The following UGP2 variants were observed in gnomAD, a reference collection of about 807,000 sequenced individuals.
UGP2 encodes UTP--glucose-1-phosphate uridylyltransferase.
In UGP2, 40 loss-of-function variants were observed where a neutral mutation model predicts 49.0. The observed-to-expected ratio is 0.82, with a 90% CI of 0.63 to 1.06. The LOEUF is 1.06. UGP2 is among the 50% of genes least tolerant of loss of function. The pLI is 0.00. For synonymous variants in UGP2, 225 were observed against 213.0 expected, an observed-to-expected ratio of 1.06 and a Z score of -0.49; for missense variants, 460 against 603.5, an observed-to-expected ratio of 0.76 and a Z score of 2.49.
chr2:63,863,753 G>A (rs1348594229), intron 3 of UGP2, among the ~76,000 whole-genome samples: 1 of 152,150 alleles, frequency 6.6e-6, no homozygotes, highest in Admixed American at 6.5e-5. Context: ...GAAGGACAAG[G>A]TAATAACTAA....
Position 63,887,605 on chromosome 2 carries a change from T to C in UGP2, c.1275T>C (p.Pro425=). ...SLTMSEKREF[P]TVPLVKLGSS... Reference sequence around the variant, plus strand: ...CAATGAGTGAAAAGCGGGAATTTCCTACAGTGCCCTTGGTTAAATTAGGCA... The same window carrying C: ...CAATGAGTGAAAAGCGGGAATTTCCCACAGTGCCCTTGGTTAAATTAGGCA... Residue 425 remains proline (P), a synonymous_variant, in exon 8 of 10, where the codon CCT becomes CCC. Coordinates refer to ENST00000337130, the MANE Select transcript of UGP2 (RefSeq NM_006759.4). 1 of 1,614,170 alleles carries C rather than the reference T, an allele frequency of 6.2e-7. No homozygotes were observed. Among genetic ancestry groups the C allele is most frequent in the Non-Finnish European group, 8.5e-7 (1 of 1,180,006 alleles).
At chr2:63,853,652 T>C (rs915385054) in intron 1 of UGP2, among the ~76,000 whole-genome samples, 1 of 152,154 alleles carries the variant, frequency 6.6e-6, no homozygotes. Flanking sequence ...CTTATTTTGT[T>C]TGCGCCAGTG....
rs767517535 is a variant in UGP2, at chr2:63,842,366, G to T, written c.19+162G>T. On this transcript the variant is annotated intron_variant, in intron 1 of 9. Coordinates refer to ENST00000337130, the MANE Select transcript of UGP2 (RefSeq NM_006759.4). ...CATCTGAGCTGCCTTGAGCTGCTGG[G>T]TTGACGTTCCAGACGCGTATAATTT... 1.9e-6 allele frequency: 3 copies of T among 1,601,570 alleles called. No homozygotes were observed. The South Asian group carries it at 3.3e-5, about 18-fold the overall frequency.
intron 3 of UGP2, among the ~76,000 whole-genome samples, chr2:63,882,233 C>T (rs527645583): frequency 2.0e-5 from 3 of 152,294 alleles, no homozygotes; most frequent in Admixed American, 6.5e-5. Flanking sequence ...TCCCCCTTCT[C>T]GTACTCCATT....
intron 3 of UGP2, among the ~76,000 whole-genome samples, chr2:63,877,013 A>G (rs1039720341): frequency 6.6e-6 from 1 of 152,262 alleles, no homozygotes; most frequent in Non-Finnish European, 1.5e-5. Flanking sequence ...TGAGGCTGAG[A>G]ATCTATATCA....
intron 1 of UGP2, among the ~76,000 whole-genome samples, chr2:63,852,510 A>T (rs1300597089): frequency 6.6e-6 from 1 of 152,218 alleles, no homozygotes. Context: ...TTGGCTTTTG[A>T]GACATGCCTG....
At chr2:63,890,731 G>C (rs935446695) in intron 9 of UGP2, among the ~76,000 whole-genome samples, 1 of 152,124 alleles carries the variant, frequency 6.6e-6, no homozygotes, top group African/African-American at 2.4e-5. Context: ...AATCTTATCA[G>C]TAAACTGTTA....
chr2:63,857,300 C>CA (rs1403972100), intron 2 of UGP2, among the ~76,000 whole-genome samples: 1,386 of 109,912 alleles, frequency 0.013, 17 homozygotes, highest in African/African-American at 0.03. Flanking sequence ...GACTCTGTCT[C>CA]AAAAAAAAAA....
chr2:63,871,752 A>T (rs917259885), intron 3 of UGP2, among the ~76,000 whole-genome samples: 5 of 152,344 alleles, frequency 3.3e-5, no homozygotes, highest in Non-Finnish European at 7.4e-5. Flanking sequence ...GGAAGCACGA[A>T]GCCAACATAT....
At chr2:63,855,412 C>A in intron 1 of UGP2, 2 of 483,352 alleles carry the variant, frequency 4.1e-6, no homozygotes. Flanking sequence ...CCAGTTGTCC[C>A]TATTTTATGA....
In UGP2 at chr2:63,842,495, G is replaced by T. The variant is rs1051378879; in HGVS notation, c.19+291G>T. ...CTGTAAGTGATAAAACAGGATTTTT[G>T]GCTGCTAATTAATCCTTGTTCTCTT... On this transcript the variant is annotated intron_variant, in intron 1 of 9. Coordinates refer to ENST00000337130, the MANE Select transcript of UGP2 (RefSeq NM_006759.4). 3.3e-6 allele frequency: 5 copies of T among 1,536,256 alleles called. No individual in the cohort carries two copies. In the African/African-American group the frequency reaches 6.8e-5, roughly 21 times the overall value.
chr2:63,842,580 G>A, intron 1 of UGP2: 1 of 1,488,364 alleles, frequency 6.7e-7, no homozygotes, highest in Non-Finnish European at 8.9e-7. Flanking sequence ...TGGGGAAGCG[G>A]GAGGACTGAG....
intron 8 of UGP2, chr2:63,888,210 TG>T (rs1671823701): frequency 6.5e-6 from 1 of 154,446 alleles, no homozygotes; most frequent in African/African-American, 2.4e-5. Flanking sequence ...GCAGCCTCAT[TG>T]AGTTGATTGA....
At chr2:63,883,887 T>C in intron 4 of UGP2, 73 bp from the exon 5 acceptor site, 1 of 1,520,224 alleles carries the variant, frequency 6.6e-7, no homozygotes, top group Non-Finnish European at 8.8e-7. Flanking sequence ...ATTTAACCAT[T>C]AAGAACTAAT....
chr2:63,869,798 A>T (rs1017133618), intron 3 of UGP2, among the ~76,000 whole-genome samples: 9 of 152,190 alleles, frequency 5.9e-5, no homozygotes, highest in African/African-American at 2.2e-4. Context: ...CTCTTTACTT[A>T]CATGTAAAAA....
At chr2:63,885,961 A>C in intron 6 of UGP2, 75 bp downstream of exon 6, 7 of 1,440,590 alleles carry the variant, frequency 4.9e-6, no homozygotes, top group Non-Finnish European at 6.4e-6. Flanking sequence ...AGACTTTTTT[A>C]TTTGAAAGTT....
In UGP2 at chr2:63,842,697, A is replaced by G. The variant is rs989867593; in HGVS notation, c.19+493A>G. 14 of 1,179,448 alleles carry G rather than the reference A, an allele frequency of 1.2e-5. No individual in the cohort carries two copies. In the Admixed American group the frequency reaches 4.4e-4, roughly 37 times the overall value. 73.1% of individuals were successfully genotyped at this position (1,179,448 alleles called of 1,614,324 possible). ...GCGTCTCAGATTCACTTATTGCGAA[A>G]CTGGGAGTAGCCCGAAGAAGCTGGA... is the stretch of plus-strand genomic sequence containing the variant. On this transcript the variant is annotated intron_variant, in intron 1 of 9. Transcript: ENST00000337130.
chr2:63,890,390 GA>G (rs879846467), intron 9 of UGP2, among the ~76,000 whole-genome samples: 5 of 151,622 alleles, frequency 3.3e-5, no homozygotes, highest in African/African-American at 7.3e-5. Flanking sequence ...AGTAAAAGCA[GA>G]AAAAAAATGA....
chr2:63,852,647 G>A (rs1669119935), intron 1 of UGP2, among the ~76,000 whole-genome samples: 1 of 152,194 alleles, frequency 6.6e-6, no homozygotes, highest in African/African-American at 2.4e-5. Context: ...AGATTAGAGT[G>A]ATGGGCAGAC....
Sources: gnomAD v4.1 joint callset for allele counts (sites outside exome capture counted in the v4.1 genomes callset) on GRCh38, gnomAD v4.1.1 for gene constraint, MANE v1.5 for transcripts, NCBI Gene and HGNC (gene_info 2026-07-23, HGNC 2026-07-21) for gene names.